The following ASB13 variants were observed in gnomAD, a reference collection of about 807,000 sequenced individuals.
ASB13 encodes ankyrin repeat and SOCS box containing 13.
A neutral mutation model predicts 28.8 loss-of-function variants in ASB13; 33 were observed. The observed-to-expected ratio is 1.15, with a 90% CI of 0.87 to 1.53. The LOEUF (loss-of-function observed/expected upper bound fraction) is 1.53. ASB13 is among the 40% of genes most tolerant of loss of function. ASB13 has a pLI of 0.00. For synonymous variants in ASB13, 182 were observed against 172.9 expected (o/e 1.05, Z -0.41); for missense variants, 414 against 390.1 (o/e 1.06, Z -0.52).
rs1333945738 is a variant in ASB13 at position 5,658,428 on chromosome 10, A to G, written c.44-5378T>C. On this transcript the variant is annotated intron_variant, in intron 1 of 5. Transcript: ENST00000357700. The surrounding 1 kb of genome is among the most constrained non-coding windows in gnomAD (Gnocchi z 4.2). ...CCTGGGTGACTTTGTCTGAAAAAAAAAAAAAAAACAAAACCAAATAAGCCA... is the reference window on the plus strand; with the variant it reads ...CCTGGGTGACTTTGTCTGAAAAAAAGAAAAAAAACAAAACCAAATAAGCCA... Among the ~76,000 whole-genome samples the G allele has an allele frequency of 6.6e-6, 1 of 152,044 alleles. No individual in the cohort carries two copies.
chr10:5,666,158 C>A (rs112376553), intron 1 of ASB13, among the ~76,000 whole-genome samples: 4,241 of 152,264 alleles, frequency 0.028, 181 homozygotes, highest in African/African-American at 0.098. Flanking sequence ...GGGCGTTTCC[C>A]AGGCTCTCCC....
chr10:5,642,530 C>G lies in ASB13; in HGVS notation c.518-569G>C. On this transcript the variant is annotated intron_variant, in intron 4 of 5. Coordinates refer to ENST00000357700, the MANE Select transcript of ASB13 (RefSeq NM_024701.4). This position sits in a 1 kb window ranked among gnomAD's most constrained non-coding sequence, Gnocchi z 4.1. ...AGCTCTGCACTCCTCAACTTTCTCA[C>G]GATAAGAGCAGACATTCATCAAGCT... The G allele has an allele frequency of 8.0e-7, 1 of 1,244,256 alleles. No individual in the cohort carries two copies. Among genetic ancestry groups the G allele is most frequent in the South Asian group, 1.4e-5 (1 of 71,436 alleles). The allele number at this position is 1,244,256 out of a possible 1,614,324, so 77.1% of individuals were successfully genotyped here. A position where few individuals can be genotyped will look rare whatever the true frequency, so the allele number is the denominator to read the frequency against.
Position 5,649,108 on chromosome 10 carries a change from A to G in ASB13, c.383-4T>C. On this transcript the variant is annotated splice_region_variant and splice_polypyrimidine_tract_variant and intron_variant, in intron 3 of 5. Transcript: ENST00000357700. The surrounding 1 kb of genome is among the most constrained non-coding windows in gnomAD (Gnocchi z 6.4). ...AGCCTCACACATTCGGAACTCCCTT[A>G]AGATAAATGGAAAAGGGGGGGAATG... 1 of 1,614,196 alleles carries G rather than the reference A, an allele frequency of 6.2e-7. No individual in the cohort carries two copies. Among genetic ancestry groups the G allele is most frequent in the Non-Finnish European group, 8.5e-7 (1 of 1,180,038 alleles).
Position 5,645,538 on chromosome 10 carries a change from C to T in ASB13, c.517+3432G>A, listed in dbSNP as rs1834871801. On this transcript the variant is annotated intron_variant, in intron 4 of 5. Coordinates refer to ENST00000357700, the MANE Select transcript of ASB13 (RefSeq NM_024701.4). This position sits in a 1 kb window ranked among gnomAD's most constrained non-coding sequence, Gnocchi z 5.4. ...CACTGCCTACAAAGAACAAGAACAA[C>T]GGTCTCCACGTCCCCCGTGGGGTGC... Among the ~76,000 whole-genome samples the T allele has an allele frequency of 6.6e-6, 1 of 152,176 alleles. No individual in the cohort carries two copies. Among genetic ancestry groups the T allele is most frequent in the African/African-American group, 2.4e-5 (1 of 41,450 alleles).
chr10:5,642,010 G>A lies in ASB13; in HGVS notation c.518-49C>T, dbSNP rs747882790. The A allele has an allele frequency of 7.7e-6, 12 of 1,565,786 alleles. No individual in the cohort carries two copies. The East Asian group carries it at 2.7e-4, about 36-fold the overall frequency. On this transcript the variant is annotated intron_variant, in intron 4 of 5. Coordinates refer to ENST00000357700, the MANE Select transcript of ASB13 (RefSeq NM_024701.4). This position sits in a 1 kb window ranked among gnomAD's most constrained non-coding sequence, Gnocchi z 4.1. ...GATTTCACCAAGAAGAGAACTTGAA[G>A]TCAGGGGGACAATCAGGTCCGTTTC...
chr10:5,648,044 C>G (rs61832708), intron 4 of ASB13, among the ~76,000 whole-genome samples: 7 of 108,028 alleles, frequency 6.5e-5, no homozygotes, highest in African/African-American at 1.7e-4. Flanking sequence ...CCTACTCAGG[C>G]AAACACCCAC....
chr10:5,657,752 A>G (rs1439331620), intron 1 of ASB13, among the ~76,000 whole-genome samples: 1 of 152,224 alleles, frequency 6.6e-6, no homozygotes, highest in Non-Finnish European at 1.5e-5. Context: ...ATTCTCAACA[A>G]TCCAAGTGTC....
rs1588520364 is a variant in ASB13, at chr10:5,661,531, G to C, written c.43+4978C>G. On this transcript the variant is annotated intron_variant, in intron 1 of 5. Transcript: ENST00000357700. This position sits in a 1 kb window ranked among gnomAD's most constrained non-coding sequence, Gnocchi z 4.9. Reference sequence around the variant, plus strand: ...TTTATTTTTGAAACAGGGTCTCGCTGTCACCCAAGCTGAAGTGCAGTGGTG... The same window carrying C: ...TTTATTTTTGAAACAGGGTCTCGCTCTCACCCAAGCTGAAGTGCAGTGGTG... Among the ~76,000 whole-genome samples, 1 of 152,128 alleles carries C rather than the reference G, an allele frequency of 6.6e-6. No homozygotes were observed. Among genetic ancestry groups the C allele is most frequent in the Non-Finnish European group, 1.5e-5 (1 of 68,020 alleles).
intron 4 of ASB13, among the ~76,000 whole-genome samples, chr10:5,648,373 T>C (rs111952814): frequency 0.068 from 3,722 of 54,752 alleles, 260 homozygotes; most frequent in African/African-American, 0.14. Flanking sequence ...TAAACACCCA[T>C]GCAGGCAAAC....
At chr10:5,646,657 C>T (rs1406926804) in intron 4 of ASB13, among the ~76,000 whole-genome samples, 2 of 152,198 alleles carry the variant, frequency 1.3e-5, no homozygotes, top group Non-Finnish European at 2.9e-5. Context: ...TAGAAATGCC[C>T]GCCATTGTTT....
rs936135974 is a variant in ASB13 at position 5,638,902 on chromosome 10, C to T, written c.*1801G>A. On this transcript the variant is annotated 3_prime_UTR_variant, in exon 6 of 6. Transcript: ENST00000357700. ...TCCGCCACTTTTATTGAGCAACAGC[C>T]GTGGGGACCTGATTCTGCGCTAAGT... 6 of 152,228 alleles carry T rather than the reference C, an allele frequency of 3.9e-5. No individual in the cohort carries two copies. Among genetic ancestry groups the T allele is most frequent in the African/African-American group, 1.4e-4 (6 of 41,440 alleles). The allele number at this position is 152,228 out of a possible 1,614,324, so 9.4% of individuals were successfully genotyped here.
chr10:5,641,750 C>T lies in ASB13; in HGVS notation c.709+20G>A, dbSNP rs9645604. ...GCTGAAGGCTGGAGGGGATGGGGTG[C>T]GCTCGGTGGGGTGTCTCACTTTCGT... On this transcript the variant is annotated intron_variant, in intron 5 of 5. Coordinates refer to ENST00000357700, the MANE Select transcript of ASB13 (RefSeq NM_024701.4). This position sits in a 1 kb window ranked among gnomAD's most constrained non-coding sequence, Gnocchi z 8.4. The T allele has an allele frequency of 0.01, 16,169 of 1,549,894 alleles. 103 individuals carry two copies. Among genetic ancestry groups the T allele is most frequent in the Non-Finnish European group, 0.013 (14,355 of 1,142,438 alleles).
chr10:5,647,214 C>T (rs1834899090), intron 4 of ASB13, among the ~76,000 whole-genome samples: 3 of 152,216 alleles, frequency 2.0e-5, no homozygotes, highest in African/African-American at 7.2e-5. Context: ...CCGCCTCAGC[C>T]TCCCAAAGTG....
chr10:5,646,393 G>A (rs58218801), intron 4 of ASB13, among the ~76,000 whole-genome samples: 13,880 of 152,250 alleles, frequency 0.091, 1,102 homozygotes, highest in East Asian at 0.45. Flanking sequence ...GGGGAGGGGT[G>A]TGTGAAAAGG....
Position 5,651,447 on chromosome 10 carries a change from C to A in ASB13, c.232-84G>T. ...CCATCCTGCTGCAGGTTCATCTTTG[C>A]TAAGATGCTTCTTAGAAGCACCGGT... On this transcript the variant is annotated intron_variant, in intron 2 of 5. Coordinates refer to ENST00000357700, the MANE Select transcript of ASB13 (RefSeq NM_024701.4). The surrounding 1 kb of genome is among the most constrained non-coding windows in gnomAD (Gnocchi z 5.1). 3 of 1,409,830 alleles carry A rather than the reference C, an allele frequency of 2.1e-6. No individual in the cohort carries two copies. The highest frequency in any genetic ancestry group is 2.9e-6 in the Non-Finnish European group (3 of 1,052,056). 87.3% of individuals were successfully genotyped at this position (1,409,830 alleles called of 1,614,324 possible).
rs1477565503 is a variant in ASB13, at chr10:5,650,027, G to C, written c.383-923C>G. Among the ~76,000 whole-genome samples the C allele has an allele frequency of 6.6e-6, 1 of 152,214 alleles. No individual in the cohort carries two copies. The highest frequency in any genetic ancestry group is 1.9e-4 in the East Asian group (1 of 5,166). ...CCCAGCCCCAGCCCCAGAGCCATGT[G>C]CTGGCCACCGGCCGGTGTCTCCCAC... On this transcript the variant is annotated intron_variant, in intron 3 of 5. Coordinates refer to ENST00000357700, the MANE Select transcript of ASB13 (RefSeq NM_024701.4). This position sits in a 1 kb window ranked among gnomAD's most constrained non-coding sequence, Gnocchi z 6.0.
rs538814241 is a variant in ASB13 at position 5,655,328 on chromosome 10, C to T, written c.44-2278G>A. On this transcript the variant is annotated intron_variant, in intron 1 of 5. Coordinates refer to ENST00000357700, the MANE Select transcript of ASB13 (RefSeq NM_024701.4). This position sits in a 1 kb window ranked among gnomAD's most constrained non-coding sequence, Gnocchi z 6.2. ...TATCAGCTTACCCAAAACACAACTT[C>T]CCTGAGTGTCAGTTTCTTTACCTGT... Among the ~76,000 whole-genome samples the T allele has an allele frequency of 1.3e-5, 2 of 152,284 alleles. No individual in the cohort carries two copies. Among genetic ancestry groups the T allele is most frequent in the African/African-American group, 4.8e-5 (2 of 41,562 alleles).
intron 4 of ASB13, among the ~76,000 whole-genome samples, chr10:5,648,441 G>C (rs1834924102): frequency 6.7e-6 from 1 of 148,740 alleles, no homozygotes; most frequent in Non-Finnish European, 1.5e-5. Flanking sequence ...CACCCACTCA[G>C]GTAAACACCC....
rs1218672592 is a variant in ASB13 at position 5,655,611 on chromosome 10, A to C, written c.44-2561T>G. On this transcript the variant is annotated intron_variant, in intron 1 of 5. Transcript: ENST00000357700. This position sits in a 1 kb window ranked among gnomAD's most constrained non-coding sequence, Gnocchi z 6.2. ...GAAGATTCGATCCCCACAAAATGTA[A>C]AAGTCAAGCTTGTGGAACTTTCTAC... is the stretch of plus-strand genomic sequence containing the variant. Among the ~76,000 whole-genome samples the C allele has an allele frequency of 1.3e-5, 2 of 152,184 alleles. No individual in the cohort carries two copies. The highest frequency in any genetic ancestry group is 2.9e-5 in the Non-Finnish European group (2 of 68,038).
Sources: allele counts gnomAD v4.1 joint callset (sites outside exome capture counted in the v4.1 genomes callset), GRCh38; gene constraint gnomAD v4.1.1; non-coding constraint Gnocchi (gnomAD v3.1); transcripts MANE v1.5; gene names NCBI Gene and HGNC (gene_info 2026-07-23, HGNC 2026-07-21).